Variants in EEFSEC observed in about 807,000 individuals in gnomAD.
EEFSEC encodes the protein selenocysteine-specific elongation factor.
In EEFSEC, 43 loss-of-function variants were observed where a neutral mutation model predicts 42.1. The observed-to-expected ratio is 1.02, with a 90% CI of 0.80 to 1.32. The LOEUF (loss-of-function observed/expected upper bound fraction) is 1.32. EEFSEC is among the 40% of genes most tolerant of loss of function. The probability of loss-of-function intolerance (pLI) is 0.00; values close to 1 mark genes in which losing one functional copy is unlikely to be tolerated. For missense variants in EEFSEC, 745 were observed against 803.6 expected, an observed-to-expected ratio of 0.93 and a Z score of 0.88; for synonymous variants, 354 against 339.1, an observed-to-expected ratio of 1.04 and a Z score of -0.48.
At chr3:128,169,161 G>A (rs1185287695) in intron 1 of EEFSEC, among the ~76,000 whole-genome samples, 1 of 152,198 alleles carries the variant, frequency 6.6e-6, no homozygotes, top group Admixed American at 6.5e-5. Context: ...TGGATGTGGG[G>A]CATCTACTTT....
At chr3:128,289,475 G>A (rs11915275) in intron 4 of EEFSEC, among the ~76,000 whole-genome samples, 2,405 of 152,306 alleles carry the variant, frequency 0.016, 46 homozygotes, top group African/African-American at 0.054. Flanking sequence ...TTTACACTGT[G>A]TGAGTAGACC....
intron 1 of EEFSEC, among the ~76,000 whole-genome samples, chr3:128,194,957 T>C (rs192084312): frequency 2.3e-4 from 35 of 152,346 alleles, no homozygotes; most frequent in African/African-American, 2.4e-5. Context: ...ACAATGAACA[T>C]TATTAGTTGA....
intron 1 of EEFSEC, among the ~76,000 whole-genome samples, chr3:128,162,046 A>C (rs1199995179): frequency 6.6e-6 from 1 of 152,158 alleles, no homozygotes; most frequent in Non-Finnish European, 1.5e-5. Flanking sequence ...CTGTGTAGGA[A>C]TATATTATGT....
chr3:128,163,296 T>G (rs1431555429), intron 1 of EEFSEC, among the ~76,000 whole-genome samples: 2 of 151,934 alleles, frequency 1.3e-5, no homozygotes, highest in Admixed American at 1.3e-4. Context: ...TCTTCTAGGC[T>G]CTGGACTTGG....
the EEFSEC span, among the ~76,000 whole-genome samples, chr3:128,425,903 A>T: frequency 6.6e-6 from 1 of 151,990 alleles, no homozygotes; most frequent in Non-Finnish European, 1.5e-5. Flanking sequence ...CCCATCCAAG[A>T]TCCGGGGGAA....
rs188464065 is a variant in EEFSEC at position 128,399,157 on chromosome 3, G to A, written c.1601-8912G>A. ...TAATGCACTGGTGTTCCCTCCCCAC[G>A]CTCCCCAATCTCCACAGCTTTGACT... On this transcript the variant is annotated intron_variant, in intron 6 of 6. Transcript: ENST00000254730. Among the ~76,000 whole-genome samples, 156 of 152,058 alleles carry A rather than the reference G, an allele frequency of 1.0e-3. 1 individual carries two copies. The East Asian group carries it at 0.012, about 11-fold the overall frequency.
downstream of EEFSEC, among the ~76,000 whole-genome samples, chr3:128,412,580 G>A (rs547605565): frequency 9.6e-4 from 147 of 152,362 alleles, no homozygotes; most frequent in Non-Finnish European, 1.9e-3. Context: ...AGGCTGTGGC[G>A]AGGAAGTGCT....
intron 6 of EEFSEC, chr3:128,362,175 C>T (rs376567797): frequency 5.2e-5 from 27 of 515,758 alleles, no homozygotes; most frequent in African/African-American, 3.1e-4. Flanking sequence ...TCTGTCCCAC[C>T]GCTGCCACCC....
intron 1 of EEFSEC, among the ~76,000 whole-genome samples, chr3:128,190,258 G>T (rs1487196649): frequency 1.3e-5 from 2 of 152,232 alleles, no homozygotes; most frequent in Admixed American, 1.3e-4. Context: ...ATCACAGGAG[G>T]TGACAGCTCC....
intron 2 of EEFSEC, among the ~76,000 whole-genome samples, chr3:128,252,084 T>C (rs2066193054): frequency 6.6e-6 from 1 of 152,210 alleles, no homozygotes; most frequent in African/African-American, 2.4e-5. Context: ...ACAGCATCCT[T>C]GATACATCAT....
chr3:128,272,381 G>A (rs2066423544), intron 4 of EEFSEC, among the ~76,000 whole-genome samples: 1 of 152,218 alleles, frequency 6.6e-6, no homozygotes, highest in African/African-American at 2.4e-5. Flanking sequence ...GAACTCAACA[G>A]GAAAAGACAG....
intron 1 of EEFSEC, among the ~76,000 whole-genome samples, chr3:128,164,291 A>T (rs2065223567): frequency 6.6e-6 from 1 of 152,214 alleles, no homozygotes; most frequent in Non-Finnish European, 1.5e-5. Flanking sequence ...CCGAGTAGGG[A>T]GGAGGAAGCC....
chr3:128,313,399 T>A (rs1373584561), intron 4 of EEFSEC, among the ~76,000 whole-genome samples: 1 of 152,264 alleles, frequency 6.6e-6, no homozygotes, highest in Non-Finnish European at 1.5e-5. Flanking sequence ...TGCCTTTCCA[T>A]GCCATGTGGG....
intron 6 of EEFSEC, among the ~76,000 whole-genome samples, chr3:128,388,279 C>T (rs1204000187): frequency 2.6e-5 from 4 of 152,228 alleles, no homozygotes; most frequent in Admixed American, 1.3e-4. Context: ...TCCACTAACT[C>T]GCCTCCAGCA....
chr3:128,157,252 G>C (rs1198437771), intron 1 of EEFSEC, among the ~76,000 whole-genome samples: 2 of 152,204 alleles, frequency 1.3e-5, no homozygotes, highest in African/African-American at 4.8e-5. Flanking sequence ...TTTGAAGCTA[G>C]CAGAAGTTGG....
intron 6 of EEFSEC, among the ~76,000 whole-genome samples, chr3:128,384,495 T>C (rs754595449): frequency 4.3e-4 from 66 of 152,134 alleles, no homozygotes; most frequent in Non-Finnish European, 7.5e-4. Flanking sequence ...CATACACAGG[T>C]GGCATTGCCA....
intron 4 of EEFSEC, among the ~76,000 whole-genome samples, chr3:128,312,984 A>G (rs1175608597): frequency 6.6e-6 from 1 of 152,154 alleles, no homozygotes; most frequent in Admixed American, 6.5e-5. Flanking sequence ...GTCTAGGGTT[A>G]CCATTTCTTG....
At position 128,408,199 on chromosome 3, in the gene EEFSEC, C is replaced by T. The variant is rs1428202349; in HGVS notation, c.1731C>T (p.Leu577=). Residue 577 remains leucine (L), a synonymous_variant, in exon 7 of 7, where the codon CTC becomes CTT. Transcript: ENST00000254730. ...ERSEPSQHVV[L]SLTFKRYVFD... ...GCGAGCCCTCACAGCATGTGGTGCT[C>T]AGCCTGACTTTCAAGCGTTATGTCT... is the stretch of plus-strand genomic sequence containing the variant. The T allele has an allele frequency of 1.9e-6, 3 of 1,612,000 alleles. No homozygotes were observed. The highest frequency in any genetic ancestry group is 2.5e-6 in the Non-Finnish European group (3 of 1,178,920).
chr3:128,260,203 C>G (rs971387097), intron 2 of EEFSEC, among the ~76,000 whole-genome samples: 11 of 152,112 alleles, frequency 7.2e-5, no homozygotes, highest in Non-Finnish European at 1.5e-5. Context: ...CACGATTTCT[C>G]CTGAGAAACC....
Sources: allele counts gnomAD v4.1 joint callset (sites outside exome capture counted in the v4.1 genomes callset), GRCh38; gene constraint gnomAD v4.1.1; transcripts MANE v1.5; gene names NCBI Gene and HGNC (gene_info 2026-07-23, HGNC 2026-07-21).